Variants in RAB40C observed in about 807,000 individuals in gnomAD.
RAB40C encodes ras-related protein Rab-40C.
In RAB40C, 8 loss-of-function variants were observed where a neutral mutation model predicts 28.1. The observed-to-expected ratio is 0.28, with a 90% CI of 0.17 to 0.51. The LOEUF (loss-of-function observed/expected upper bound fraction) is 0.51, where lower values mean the gene tolerates loss of function less well. Ranked by LOEUF, RAB40C falls within the 20% of genes least tolerant of loss-of-function variation. The pLI is 0.97. For missense variants in RAB40C, 288 were observed against 405.9 expected (o/e 0.71, Z 2.50); for synonymous variants, 201 against 171.7 (o/e 1.17, Z -1.34).
chr16:618,191 A>G lies in RAB40C; in HGVS notation c.204-9A>G. 6.2e-7 allele frequency: 1 copy of G among 1,611,446 alleles called. No homozygotes were observed. The highest frequency in any genetic ancestry group is 8.5e-7 in the Non-Finnish European group (1 of 1,179,268). Reference sequence around the variant, plus strand: ...CAGTCCCGGCCCCTCCCCTCCCCGTATGTTTCAGGGACACGTCGGGCCAGG... The same window carrying G: ...CAGTCCCGGCCCCTCCCCTCCCCGTGTGTTTCAGGGACACGTCGGGCCAGG... On this transcript the variant is annotated splice_polypyrimidine_tract_variant and intron_variant, in intron 2 of 5. Coordinates refer to ENST00000248139, the MANE Select transcript of RAB40C (RefSeq NM_021168.5).
chr16:609,293 C>T (rs1350816422), intron 1 of RAB40C, among the ~76,000 whole-genome samples: 1 of 151,984 alleles, frequency 6.6e-6, no homozygotes, highest in Non-Finnish European at 1.5e-5. Flanking sequence ...GAGGTTTATT[C>T]TCTGGGAAAA....
chr16:628,260 C>T lies in RAB40C; in HGVS notation c.*638C>T, dbSNP rs1596422726. On this transcript the variant is annotated 3_prime_UTR_variant, in exon 6 of 6. Coordinates refer to ENST00000248139, the MANE Select transcript of RAB40C (RefSeq NM_021168.5). ...AGGAGAGGGGAGAAAGGAGGTGCAC[C>T]TGGCAGCCCACATTTTTGTTGCTCC... 1.3e-5 allele frequency: 2 copies of T among 152,412 alleles called. No homozygotes were observed. Among genetic ancestry groups the T allele is most frequent in the Non-Finnish European group, 2.9e-5 (2 of 68,092 alleles). 9.4% of individuals were successfully genotyped at this position (152,412 alleles called of 1,614,324 possible).
intron 2 of RAB40C, 111 bp from the exon 3 acceptor site, chr16:618,089 C>T: frequency 9.9e-7 from 1 of 1,009,468 alleles, no homozygotes; most frequent in South Asian, 1.4e-5. Flanking sequence ...GGCACCTGTC[C>T]TGGCCGCCCC....
rs537179483 is a variant in RAB40C at position 606,705 on chromosome 16, C to T, written c.143-10503C>T. Among the ~76,000 whole-genome samples the T allele has an allele frequency of 2.0e-5, 3 of 152,376 alleles. No homozygotes were observed. In the East Asian group the frequency reaches 5.8e-4, roughly 29 times the overall value. ...GCCTTTCCCGGCTTCTCCAGGCCGC[C>T]TGCGTTGTTCACGGAGGGCCCTTGC... On this transcript the variant is annotated intron_variant, in intron 1 of 5. Transcript: ENST00000248139.
intron 3 of RAB40C, chr16:624,190 C>T (rs546533700): frequency 7.1e-6 from 7 of 984,966 alleles, no homozygotes; most frequent in East Asian, 1.1e-4. Context: ...GCTTGCCATG[C>T]GGGAGGTTGC....
chr16:598,545 G>A (rs1277983331), intron 1 of RAB40C, among the ~76,000 whole-genome samples: 1 of 145,328 alleles, frequency 6.9e-6, no homozygotes, highest in Non-Finnish European at 1.5e-5. Flanking sequence ...TGGTGACAGA[G>A]CGAGACTCTG....
intron 1 of RAB40C, among the ~76,000 whole-genome samples, chr16:600,376 T>C (rs1435692325): frequency 6.6e-6 from 1 of 152,248 alleles, no homozygotes; most frequent in Non-Finnish European, 1.5e-5. Context: ...ATAGTAATAG[T>C]AGCAAGTGCA....
intron 1 of RAB40C, among the ~76,000 whole-genome samples, chr16:595,306 G>A (rs1229530025): frequency 1.3e-5 from 2 of 152,200 alleles, no homozygotes; most frequent in South Asian, 2.1e-4. Context: ...CTGTGCAGAC[G>A]AGGGATTGAG....
At chr16:619,188 G>A (rs2036658214) in intron 3 of RAB40C, among the ~76,000 whole-genome samples, 1 of 139,958 alleles carries the variant, frequency 7.1e-6, no homozygotes. Context: ...AGGTGTAGTG[G>A]GTGCACTCAG....
At chr16:596,236 G>C (rs1035552565) in intron 1 of RAB40C, 2 of 450,902 alleles carry the variant, frequency 4.4e-6, no homozygotes, top group Admixed American at 4.8e-5. Context: ...GCCACATCGG[G>C]GAGCTGAGAG....
rs1435786193 is a variant in RAB40C, at chr16:626,078, G to T, written c.522G>T (p.Val174=). The change falls in exon 5 of 6, where the codon GTG becomes GTT. Residue 174 remains valine (V), a synonymous_variant. Transcript: ENST00000248139. ...CCTTCACGGAGCTATCCCGCATCGTGCTCATGCGGCACGGCATGGAGAAGA... is the reference window on the plus strand; with the variant it reads ...CCTTCACGGAGCTATCCCGCATCGTTCTCATGCGGCACGGCATGGAGAAGA... The part of the protein sequence containing the change: ...IESFTELSRI[V]LMRHGMEKIW... The T allele has an allele frequency of 5.6e-6, 9 of 1,613,174 alleles. No homozygotes were observed. The African/African-American group carries it at 1.2e-4, about 22-fold the overall frequency.
chr16:596,959 CAG>C (rs1486948048), intron 1 of RAB40C, among the ~76,000 whole-genome samples: 2 of 152,170 alleles, frequency 1.3e-5, no homozygotes, highest in Non-Finnish European at 2.9e-5. Flanking sequence ...TTGAGTAAAG[CAG>C]AGATTTCTGG....
intron 1 of RAB40C, among the ~76,000 whole-genome samples, chr16:603,959 G>A (rs2151066044): frequency 6.6e-6 from 1 of 152,194 alleles, no homozygotes; most frequent in African/African-American, 2.4e-5. Flanking sequence ...ATATACCCCA[G>A]TTTGTTTATG....
chr16:599,150 T>G (rs1387814496), intron 1 of RAB40C, among the ~76,000 whole-genome samples: 1 of 152,190 alleles, frequency 6.6e-6, no homozygotes, highest in Admixed American at 6.5e-5. Flanking sequence ...TGTGTTTCGG[T>G]CCAGAAAGTC....
intron 1 of RAB40C, among the ~76,000 whole-genome samples, chr16:591,573 T>C (rs1326438161): frequency 2.0e-5 from 3 of 152,054 alleles, no homozygotes; most frequent in Non-Finnish European, 2.9e-5. Context: ...ATTTGTTTTG[T>C]TTTGTTTTCT....
chr16:605,394 A>G (rs2036338488), intron 1 of RAB40C, among the ~76,000 whole-genome samples: 1 of 152,188 alleles, frequency 6.6e-6, no homozygotes, highest in Admixed American at 6.5e-5. Flanking sequence ...AAACCCCTTT[A>G]AAGTCTGCAA....
At position 628,453 on chromosome 16, in the gene RAB40C, G is replaced by A. The variant is rs899047912; in HGVS notation, c.*831G>A. On this transcript the variant is annotated 3_prime_UTR_variant, in exon 6 of 6. Coordinates refer to ENST00000248139, the MANE Select transcript of RAB40C (RefSeq NM_021168.5). ...AGCGGTGCAGACCCCGGGCACCTGC[G>A]TGCAGCCTCCTGTTCTCGGCAGCTT... The A allele has an allele frequency of 1.3e-5, 2 of 152,312 alleles. No individual in the cohort carries two copies. Among genetic ancestry groups the A allele is most frequent in the African/African-American group, 4.8e-5 (2 of 41,454 alleles). The allele number at this position is 152,312 out of a possible 1,614,324, so 9.4% of individuals were successfully genotyped here. A position where few individuals can be genotyped will look rare whatever the true frequency, so the allele number is the denominator to read the frequency against.
At chr16:604,495 C>T (rs1038736308) in intron 1 of RAB40C, among the ~76,000 whole-genome samples, 5 of 116,680 alleles carry the variant, frequency 4.3e-5, no homozygotes, top group African/African-American at 1.3e-4. Flanking sequence ...GTGAGTCCTT[C>T]TGAGGGTGTT....
chr16:623,996 C>T (rs940685647), intron 3 of RAB40C: 10 of 985,312 alleles, frequency 1.0e-5, no homozygotes, highest in Middle Eastern at 1.0e-3. Flanking sequence ...ACCTGGGTTG[C>T]ACATCTCTCC....
Sources: gnomAD v4.1 joint callset for allele counts (sites outside exome capture counted in the v4.1 genomes callset) on GRCh38, gnomAD v4.1.1 for gene constraint, MANE v1.5 for transcripts, NCBI Gene and HGNC (gene_info 2026-07-23, HGNC 2026-07-21) for gene names.